Variants in SH3D19 observed in about 807,000 individuals in gnomAD.
SH3D19 encodes SH3 domain-containing protein 19.
SH3D19 carries 58 observed loss-of-function variants against 112.1 expected under a neutral mutation model. The ratio of observed to expected loss-of-function variants is 0.52; its 90% CI spans 0.42 to 0.64. The LOEUF (loss-of-function observed/expected upper bound fraction) is 0.64, where lower values mean the gene tolerates loss of function less well. SH3D19 is among the 30% of genes least tolerant of loss of function. The pLI is 0.00. For synonymous variants in SH3D19, 391 were observed against 448.5 expected, an observed-to-expected ratio of 0.87 and a Z score of 1.62; for missense variants, 1,090 against 1,263.4, an observed-to-expected ratio of 0.86 and a Z score of 2.08.
chr4:151,240,140 T>A (rs184853879), intron 1 of SH3D19, among the ~76,000 whole-genome samples: 1 of 152,130 alleles, frequency 6.6e-6, no homozygotes, highest in African/African-American at 2.4e-5. Flanking sequence ...CACAATGTTA[T>A]GGGCCTGTAG....
intron 1 of SH3D19, among the ~76,000 whole-genome samples, chr4:151,258,256 G>A (rs1772095325): frequency 6.6e-6 from 1 of 152,138 alleles, no homozygotes; most frequent in South Asian, 2.1e-4. Flanking sequence ...AATGATTGAG[G>A]CACAAAGGGA....
At chr4:151,222,655 G>GTCTCTCTC (rs34787298) in intron 2 of SH3D19, among the ~76,000 whole-genome samples, 55 of 93,054 alleles carry the variant, frequency 5.9e-4, no homozygotes, top group Middle Eastern at 0.014. Context: ...TATCTCTTTG[G>GTCTCTCTC]TCTCTCTCTC....
At chr4:151,214,186 T>C (rs1391956413) in intron 2 of SH3D19, among the ~76,000 whole-genome samples, 1 of 151,542 alleles carries the variant, frequency 6.6e-6, no homozygotes, top group Non-Finnish European at 1.5e-5. Flanking sequence ...GGCTGGGGGG[T>C]AAGGTCACAG....
Position 151,185,144 on chromosome 4 carries a change from A to G in SH3D19, c.193+2279T>C, listed in dbSNP as rs568338862. 1.4e-4 allele frequency among the ~76,000 whole-genome samples: 21 copies of G among 149,002 alleles called. 1 individual carries two copies. The South Asian group carries it at 3.4e-3, about 24-fold the overall frequency. ...AGATCTATCTTGGGGGATCCATGGG[A>G]AGTCAGGCACAGATTGTGATTCCCT... On this transcript the variant is annotated intron_variant, in intron 3 of 19. Coordinates refer to ENST00000604030, the MANE Select transcript of SH3D19 (RefSeq NM_001378122.1).
chr4:151,251,183 C>CTTTTTTT (rs869277307), intron 1 of SH3D19, among the ~76,000 whole-genome samples: 2 of 127,720 alleles, frequency 1.6e-5, no homozygotes, highest in Non-Finnish European at 3.6e-5. Context: ...TTTGTTCTTT[C>CTTTTTTT]TTTTTCTTTT....
At chr4:151,209,328 G>C (rs1765603947) in intron 2 of SH3D19, among the ~76,000 whole-genome samples, 1 of 151,666 alleles carries the variant, frequency 6.6e-6, no homozygotes, top group Non-Finnish European at 1.5e-5. Context: ...ACCCAAGCTG[G>C]AGTGCAGTGG....
intron 12 of SH3D19, chr4:151,140,485 A>G (rs1356961970): frequency 1.3e-5 from 2 of 152,252 alleles, no homozygotes; most frequent in Admixed American, 1.3e-4. Flanking sequence ...TAAATTAGCA[A>G]AAAGAATCTA....
chr4:151,217,940 T>C (rs1256054271), intron 2 of SH3D19, among the ~76,000 whole-genome samples: 1 of 152,096 alleles, frequency 6.6e-6, no homozygotes. Context: ...CAAACATACA[T>C]ATAAGCACAC....
chr4:151,177,068 T>A, intron 4 of SH3D19, 113 bp from the exon 5 acceptor site: 2 of 917,154 alleles, frequency 2.2e-6, no homozygotes, highest in Non-Finnish European at 2.9e-6. Context: ...TTGTAAGAAC[T>A]AACACAGTCA....
intron 2 of SH3D19, among the ~76,000 whole-genome samples, chr4:151,222,398 ATTGAGATTTAT>A (rs1768206254): frequency 1.3e-5 from 2 of 152,164 alleles, no homozygotes; most frequent in African/African-American, 4.8e-5. Context: ...TTCCCCCTGA[ATTGAGATTTAT>A]TTGCAAACAT....
rs192365618 is a variant in SH3D19, at chr4:151,147,809, G to A, written c.2082+113C>T. ...CCTACTCATCTAAAGCACTCTTGGC[G>A]TCAAGGGACAATTCCACATTTGTTC... is the stretch of plus-strand genomic sequence containing the variant. On this transcript the variant is annotated intron_variant, in intron 11 of 19. Coordinates refer to ENST00000604030, the MANE Select transcript of SH3D19 (RefSeq NM_001378122.1). 6.1e-4 allele frequency: 833 copies of A among 1,371,732 alleles called. 5 individuals carry two copies. In the African/African-American group the frequency reaches 9.6e-3, roughly 16 times the overall value. The allele number at this position is 1,371,732 out of a possible 1,614,324, so 85.0% of individuals were successfully genotyped here.
At chr4:151,156,727 A>G (rs926337408) in intron 9 of SH3D19, among the ~76,000 whole-genome samples, 1 of 152,242 alleles carries the variant, frequency 6.6e-6, no homozygotes, top group African/African-American at 2.4e-5. Context: ...GAAAGCAGGG[A>G]AAAGACCTCA....
chr4:151,256,314 A>C (rs1561406289), intron 1 of SH3D19, among the ~76,000 whole-genome samples: 1 of 152,170 alleles, frequency 6.6e-6, no homozygotes, highest in Non-Finnish European at 1.5e-5. Context: ...GTTTATGTAA[A>C]ATGTCGAGAA....
chr4:151,214,246 GAA>G (rs1253765736), intron 2 of SH3D19, among the ~76,000 whole-genome samples: 1 of 151,846 alleles, frequency 6.6e-6, no homozygotes, highest in African/African-American at 2.4e-5. Flanking sequence ...AGAACAAAAT[GAA>G]AAGTCTCCCA....
intron 1 of SH3D19, among the ~76,000 whole-genome samples, chr4:151,288,467 C>T (rs1775028672): frequency 6.6e-6 from 1 of 152,106 alleles, no homozygotes; most frequent in Non-Finnish European, 1.5e-5. Flanking sequence ...CAACTGTAGG[C>T]TGGGGGCAGT....
In SH3D19 at chr4:151,120,388, T is replaced by A. The variant is rs191821693; in HGVS notation, c.*1703A>T. On this transcript the variant is annotated 3_prime_UTR_variant, in exon 20 of 20. Coordinates refer to ENST00000604030, the MANE Select transcript of SH3D19 (RefSeq NM_001378122.1). ...AAAACTGAAGATTGAGATTTTCCTCTAATAAAGATAGGTTTTCAGAATCTT... is the reference window on the plus strand; with the variant it reads ...AAAACTGAAGATTGAGATTTTCCTCAAATAAAGATAGGTTTTCAGAATCTT... The A allele has an allele frequency of 6.7e-4, 102 of 152,754 alleles. No homozygotes were observed. The highest frequency in any genetic ancestry group is 2.4e-3 in the African/African-American group (100 of 41,570). 9.5% of individuals were successfully genotyped at this position (152,754 alleles called of 1,614,324 possible).
chr4:151,152,882 C>G (rs1421505737), intron 9 of SH3D19, among the ~76,000 whole-genome samples: 1 of 151,670 alleles, frequency 6.6e-6, no homozygotes, highest in Non-Finnish European at 1.5e-5. Context: ...GTCACCCAAG[C>G]TAGAGTGTAG....
At chr4:151,129,417 T>G (rs1464222917) in intron 17 of SH3D19, among the ~76,000 whole-genome samples, 1 of 152,222 alleles carries the variant, frequency 6.6e-6, no homozygotes, top group African/African-American at 2.4e-5. Context: ...TTGCCCAGGC[T>G]GAAGGGCAAT....
At chr4:151,126,071 A>T (rs1749251505) in intron 19 of SH3D19, among the ~76,000 whole-genome samples, 1 of 152,086 alleles carries the variant, frequency 6.6e-6, no homozygotes, top group Non-Finnish European at 1.5e-5. Flanking sequence ...CACATACCTG[A>T]TTCAGGTATT....
Sources: allele counts gnomAD v4.1 joint callset (sites outside exome capture counted in the v4.1 genomes callset), GRCh38; gene constraint gnomAD v4.1.1; transcripts MANE v1.5; gene names NCBI Gene and HGNC (gene_info 2026-07-23, HGNC 2026-07-21).